Variants in TBC1D15 observed in about 807,000 individuals in gnomAD.
TBC1D15 encodes GAP for RAB7.
Under a neutral mutation model 95.4 loss-of-function variants are expected in TBC1D15, and 39 were observed. The observed-to-expected ratio is 0.41, with a 90% CI of 0.32 to 0.53. The LOEUF is 0.53. Ranked by LOEUF, TBC1D15 falls within the 20% of genes least tolerant of loss-of-function variation. TBC1D15 has a pLI of 0.29. For missense variants in TBC1D15, 733 were observed against 794.3 expected, an observed-to-expected ratio of 0.92 and a Z score of 0.93; for synonymous variants, 258 against 261.3, an observed-to-expected ratio of 0.99 and a Z score of 0.12.
intron 10 of TBC1D15, among the ~76,000 whole-genome samples, chr12:71,905,417 C>T (rs1900451273): frequency 6.6e-6 from 1 of 152,162 alleles, no homozygotes; most frequent in Admixed American, 6.5e-5. Flanking sequence ...CCTCAACTTC[C>T]TGGGCTCAGA....
At chr12:71,864,783 G>A (rs551315074) in intron 1 of TBC1D15, among the ~76,000 whole-genome samples, 2 of 152,348 alleles carry the variant, frequency 1.3e-5, no homozygotes, top group South Asian at 4.1e-4. Context: ...GGGATTACAG[G>A]CGTGAGCCAC....
At chr12:71,851,782 G>A (rs2137947843) in intron 1 of TBC1D15, among the ~76,000 whole-genome samples, 1 of 151,638 alleles carries the variant, frequency 6.6e-6, no homozygotes, top group South Asian at 2.1e-4. Context: ...CAAGGCCTTG[G>A]ACAGCTCTGC....
chr12:71,875,390 A>G (rs905377512), intron 3 of TBC1D15, among the ~76,000 whole-genome samples: 6 of 152,028 alleles, frequency 3.9e-5, no homozygotes, highest in Admixed American at 3.9e-4. Flanking sequence ...CATGAAGTCA[A>G]GTTTATCTAT....
intron 11 of TBC1D15, among the ~76,000 whole-genome samples, chr12:71,910,045 G>A (rs925775296): frequency 3.9e-5 from 6 of 152,110 alleles, no homozygotes; most frequent in African/African-American, 1.2e-4. Context: ...TGTATAAGGT[G>A]TAAGGAAGGG....
chr12:71,888,474 A>G (rs1896656547), intron 5 of TBC1D15, among the ~76,000 whole-genome samples: 1 of 152,146 alleles, frequency 6.6e-6, no homozygotes, highest in Non-Finnish European at 1.5e-5. Flanking sequence ...TACCTAAAAA[A>G]AAAAAAAAAG....
chr12:71,846,917 C>A (rs1316818642), intron 1 of TBC1D15, among the ~76,000 whole-genome samples: 1 of 151,904 alleles, frequency 6.6e-6, no homozygotes, highest in African/African-American at 2.4e-5. Context: ...TGCACCATCA[C>A]ACCCAGCTAG....
intron 12 of TBC1D15, among the ~76,000 whole-genome samples, chr12:71,915,834 G>A (rs1903585025): frequency 6.6e-6 from 1 of 151,946 alleles, no homozygotes; most frequent in Non-Finnish European, 1.5e-5. Flanking sequence ...TGAATGAGAG[G>A]GAAATATATG....
At chr12:71,846,449 T>G (rs1053182926) in intron 1 of TBC1D15, among the ~76,000 whole-genome samples, 4 of 152,232 alleles carry the variant, frequency 2.6e-5, no homozygotes, top group Non-Finnish European at 4.4e-5. Context: ...CTCTAATACC[T>G]TTTAATTTCT....
chr12:71,872,013 A>G lies in TBC1D15; in HGVS notation c.31-57A>G, dbSNP rs1892808784. On this transcript the variant is annotated intron_variant, in intron 1 of 16. Coordinates refer to ENST00000485960, the MANE Select transcript of TBC1D15 (RefSeq NM_001146213.3). ...AGAAAATATATCTTAATATTTTAAC[A>G]TGTTAAAATAGTACTCAATAGAAAT... 4 of 701,934 alleles carry G rather than the reference A, an allele frequency of 5.7e-6. No homozygotes were observed. In the South Asian group the frequency reaches 1.1e-4, roughly 19 times the overall value. The allele number at this position is 701,934 out of a possible 1,614,324, so 43.5% of individuals were successfully genotyped here.
Position 71,884,980 on chromosome 12 carries a change from A to G in TBC1D15, c.513A>G (p.Lys171=), listed in dbSNP as rs144254414. The change falls in exon 5 of 17, where the codon AAA becomes AAG. Residue 171 remains lysine, a synonymous_variant. Coordinates refer to ENST00000485960, the MANE Select transcript of TBC1D15 (RefSeq NM_001146213.3). The stretch of plus-strand genomic sequence containing the variant: ...TACACTTTCATCAAGGAGATAGCAA[A>G]CTACTGATTGAATCTCTTGAAAAAT... ...PALHFHQGDS[K]LLIESLEKYV... The G allele has an allele frequency of 1.3e-3, 2,107 of 1,613,906 alleles. 4 individuals carry two copies. Among genetic ancestry groups the G allele is most frequent in the Non-Finnish European group, 1.5e-3 (1,823 of 1,179,846 alleles).
chr12:71,899,957 TCAAAA>T lies in TBC1D15; in HGVS notation c.1183+2028_1183+2032del, dbSNP rs1017863666. Among the ~76,000 whole-genome samples, 15 of 152,110 alleles carry T rather than the reference TCAAAA, an allele frequency of 9.9e-5. No homozygotes were observed. In the East Asian group the frequency reaches 2.3e-3, roughly 23 times the overall value. ...CTGGGTGACAGAGCGAGACCCCTTC[TCAAAA>T]CAAAACAAAACCAAAAAAAGTAGGT... On this transcript the variant is annotated intron_variant, in intron 10 of 16. Transcript: ENST00000485960.
chr12:71,854,485 T>G (rs749376140), intron 1 of TBC1D15: 39 of 451,136 alleles, frequency 8.6e-5, no homozygotes, highest in Non-Finnish European at 1.2e-4. Context: ...CTTAAGATGG[T>G]TTTTTCTCCC....
At chr12:71,898,710 T>G (rs1185389632) in intron 10 of TBC1D15, among the ~76,000 whole-genome samples, 1 of 152,136 alleles carries the variant, frequency 6.6e-6, no homozygotes, top group African/African-American at 2.4e-5. Flanking sequence ...GTATCTGGAT[T>G]TGTATATCCG....
chr12:71,889,109 G>C (rs776272495), intron 5 of TBC1D15, among the ~76,000 whole-genome samples: 2 of 152,168 alleles, frequency 1.3e-5, no homozygotes, highest in African/African-American at 2.4e-5. Context: ...TAGAGTTGGA[G>C]GAGATGTGAG....
intron 5 of TBC1D15, among the ~76,000 whole-genome samples, chr12:71,891,683 A>T (rs1235834404): frequency 6.6e-6 from 1 of 151,946 alleles, no homozygotes; most frequent in Non-Finnish European, 1.5e-5. Flanking sequence ...AGCTTCCTCC[A>T]CCCTCCATCA....
intron 4 of TBC1D15, among the ~76,000 whole-genome samples, chr12:71,880,865 C>G (rs187387824): frequency 6.6e-6 from 1 of 152,106 alleles, no homozygotes; most frequent in Non-Finnish European, 1.5e-5. Context: ...TAAAACATTC[C>G]TTTGGCTGTC....
rs530633097 is a variant in TBC1D15, at chr12:71,872,236, C to T, written c.129+68C>T. 124 of 935,636 alleles carry T rather than the reference C, an allele frequency of 1.3e-4. 3 individuals are homozygous for T. In the South Asian group the frequency reaches 2.7e-3, roughly 20 times the overall value. 58.0% of individuals were successfully genotyped at this position (935,636 alleles called of 1,614,324 possible). ...TAGTGATTCATCTTTGGAGAATTAT[C>T]AGAAAGTTTGAATTTCATGTGTAAG... is the stretch of plus-strand genomic sequence containing the variant. On this transcript the variant is annotated intron_variant, in intron 2 of 16. Coordinates refer to ENST00000485960, the MANE Select transcript of TBC1D15 (RefSeq NM_001146213.3).
intron 11 of TBC1D15, among the ~76,000 whole-genome samples, chr12:71,909,140 TATACTA>T (rs539215707): frequency 6.6e-6 from 1 of 152,362 alleles, no homozygotes; most frequent in African/African-American, 2.4e-5. Flanking sequence ...TCCATTTGTT[TATACTA>T]ATGTCACATT....
intron 1 of TBC1D15, chr12:71,854,829 T>G (rs569197657): frequency 2.2e-6 from 1 of 456,700 alleles, no homozygotes; most frequent in Admixed American, 2.3e-5. Flanking sequence ...ATCTTTGATC[T>G]GTTCTTCCCT....
Sources: allele counts gnomAD v4.1 joint callset (sites outside exome capture counted in the v4.1 genomes callset), GRCh38; gene constraint gnomAD v4.1.1; transcripts MANE v1.5; gene names NCBI Gene and HGNC (gene_info 2026-07-23, HGNC 2026-07-21).